The following CDH13 variants were observed in gnomAD, a reference collection of about 807,000 sequenced individuals.
CDH13 encodes the protein cadherin 13.
CDH13 carries 24 observed loss-of-function variants against 63.8 expected under a neutral mutation model. The ratio of observed to expected loss-of-function variants is 0.38; its 90% CI spans 0.27 to 0.53. CDH13 has a LOEUF of 0.53. CDH13 is among the 20% of genes least tolerant of loss of function. CDH13 has a pLI of 0.85. For synonymous variants in CDH13, 503 were observed against 355.3 expected, an observed-to-expected ratio of 1.42 and a Z score of -4.67; for missense variants, 1,049 against 903.1, an observed-to-expected ratio of 1.16 and a Z score of -2.07.
At chr16:83,628,536 C>T (rs114702406) in intron 8 of CDH13, among the ~76,000 whole-genome samples, 73 of 152,114 alleles carry the variant, frequency 4.8e-4, no homozygotes, top group African/African-American at 1.7e-3. Context: ...GAGGAAGTGT[C>T]GTACATCTTT....
intron 8 of CDH13, among the ~76,000 whole-genome samples, chr16:83,660,232 C>A (rs893420409): frequency 6.6e-6 from 1 of 152,134 alleles, no homozygotes; most frequent in Admixed American, 6.5e-5. Context: ...TTGTAATATA[C>A]AATGACATAA....
chr16:83,236,237 G>GAACACA (rs1555517177), intron 5 of CDH13, among the ~76,000 whole-genome samples: 1 of 148,898 alleles, frequency 6.7e-6, no homozygotes, highest in African/African-American at 2.5e-5. Context: ...ACACGCACAT[G>GAACACA]CACACACACA....
intron 6 of CDH13, among the ~76,000 whole-genome samples, chr16:83,379,938 TAGAGAGAGAG>T (rs71148831): frequency 1.6e-5 from 2 of 123,462 alleles, no homozygotes; most frequent in Admixed American, 1.7e-4. Flanking sequence ...TATATATATA[TAGAGAGAGAG>T]AGAGAGAGAG....
chr16:83,129,197 A>G (rs535644004), intron 4 of CDH13, among the ~76,000 whole-genome samples: 1 of 152,318 alleles, frequency 6.6e-6, no homozygotes, highest in South Asian at 2.1e-4. Flanking sequence ...GGAAGACCAC[A>G]GAGGCAGAGC....
chr16:82,886,363 G>A (rs1432744235), intron 2 of CDH13, among the ~76,000 whole-genome samples: 2 of 152,176 alleles, frequency 1.3e-5, no homozygotes, highest in Non-Finnish European at 2.9e-5. Flanking sequence ...TGGTTTTGAT[G>A]GCCAGGTTTT....
chr16:83,424,689 T>A (rs2071833395), intron 6 of CDH13, among the ~76,000 whole-genome samples: 1 of 152,256 alleles, frequency 6.6e-6, no homozygotes, highest in African/African-American at 2.4e-5. Flanking sequence ...TAATCTTTAG[T>A]CCTAGACAAA....
intron 1 of CDH13, among the ~76,000 whole-genome samples, chr16:82,848,353 G>A (rs1404143520): frequency 6.6e-6 from 1 of 152,154 alleles, no homozygotes; most frequent in African/African-American, 2.4e-5. Context: ...TGCTTTAGTT[G>A]GGTATGACAA....
chr16:83,303,733 G>C (rs2089805370), intron 5 of CDH13, among the ~76,000 whole-genome samples: 1 of 152,154 alleles, frequency 6.6e-6, no homozygotes, highest in East Asian at 1.9e-4. Flanking sequence ...GAGAAACCTT[G>C]AGGCTACTGC....
At chr16:83,529,579 A>G (rs1176077862) in intron 7 of CDH13, among the ~76,000 whole-genome samples, 1 of 152,126 alleles carries the variant, frequency 6.6e-6, no homozygotes, top group Admixed American at 6.5e-5. Context: ...TTTTTTTGTG[A>G]AAAAAATCAT....
At chr16:82,661,768 A>G (rs1911975311) in intron 1 of CDH13, among the ~76,000 whole-genome samples, 1 of 152,362 alleles carries the variant, frequency 6.6e-6, no homozygotes, top group African/African-American at 2.4e-5. Flanking sequence ...GGGAAACCTC[A>G]ATTAGGGAAT....
chr16:83,350,185 A>T (rs1477493480), intron 6 of CDH13, among the ~76,000 whole-genome samples: 2 of 152,102 alleles, frequency 1.3e-5, no homozygotes, highest in African/African-American at 4.8e-5. Context: ...CGGCCTTCCA[A>T]CAACATCAGG....
intron 2 of CDH13, among the ~76,000 whole-genome samples, chr16:82,869,969 G>A (rs2040287729): frequency 1.3e-5 from 2 of 152,032 alleles, no homozygotes; most frequent in Non-Finnish European, 2.9e-5. Context: ...AAACAAAAAT[G>A]GACAAATGGG....
At chr16:82,791,775 G>A (rs2036318228) in intron 1 of CDH13, among the ~76,000 whole-genome samples, 1 of 152,202 alleles carries the variant, frequency 6.6e-6, no homozygotes, top group East Asian at 1.9e-4. Flanking sequence ...TAACTGGGCT[G>A]AACACTAGTT....
chr16:83,778,575 C>A (rs61134332), intron 11 of CDH13, among the ~76,000 whole-genome samples: 22,788 of 151,650 alleles, frequency 0.15, 2,309 homozygotes, highest in East Asian at 0.45. Flanking sequence ...ATTATGAGGG[C>A]CATTATCTTA....
intron 7 of CDH13, among the ~76,000 whole-genome samples, chr16:83,600,232 T>C (rs570523780): frequency 6.6e-6 from 1 of 152,284 alleles, no homozygotes; most frequent in African/African-American, 2.4e-5. Context: ...CAATTCCACT[T>C]GTACTCAGCA....
At chr16:82,875,209 G>C (rs1456554499) in intron 2 of CDH13, among the ~76,000 whole-genome samples, 1 of 152,182 alleles carries the variant, frequency 6.6e-6, no homozygotes, top group East Asian at 1.9e-4. Context: ...GCTCAACTCA[G>C]ACTTCTTGTT....
chr16:82,664,687 C>T (rs1349002284), intron 1 of CDH13, among the ~76,000 whole-genome samples: 1 of 152,148 alleles, frequency 6.6e-6, no homozygotes, highest in Non-Finnish European at 1.5e-5. Flanking sequence ...AGAAGAAAAT[C>T]TTGTTAATAC....
chr16:83,271,414 A>G lies in CDH13; in HGVS notation c.636+53917A>G, dbSNP rs533855010. ...CACCAGCTCTACCGCACATTGAGGCAGAGTTCATAAAAAAAAAAAAAAAAA... is the reference window on the plus strand; with the variant it reads ...CACCAGCTCTACCGCACATTGAGGCGGAGTTCATAAAAAAAAAAAAAAAAA... On this transcript the variant is annotated intron_variant, in intron 5 of 13. Transcript: ENST00000567109. Among the ~76,000 whole-genome samples the G allele has an allele frequency of 2.3e-5, 3 of 127,896 alleles. No homozygotes were observed. In the East Asian group the frequency reaches 7.2e-4, roughly 31 times the overall value. The allele number at this position is 127,896 out of a possible 152,430, so 83.9% of individuals were successfully genotyped here.
At chr16:83,773,054 T>C (rs558834474) in intron 11 of CDH13, 28 of 152,294 alleles carry the variant, frequency 1.8e-4, no homozygotes, top group African/African-American at 6.7e-4. Flanking sequence ...GGCATCTGTG[T>C]TTGCTAATGG....
Sources: allele counts gnomAD v4.1 joint callset (sites outside exome capture counted in the v4.1 genomes callset), GRCh38; gene constraint gnomAD v4.1.1; transcripts MANE v1.5; gene names NCBI Gene and HGNC (gene_info 2026-07-23, HGNC 2026-07-21).